Variants in SLC8B1 observed in about 807,000 individuals in gnomAD.
SLC8B1 encodes the protein solute carrier family 8 member B1.
In SLC8B1, 52 loss-of-function variants were observed where a neutral mutation model predicts 63.4. That is an observed-to-expected ratio of 0.82 (90% CI 0.66 to 1.03). SLC8B1 has a LOEUF of 1.03. SLC8B1 is among the 50% of genes least tolerant of loss of function. SLC8B1 has a pLI of 0.00. For synonymous variants in SLC8B1, 336 were observed against 323.9 expected, an observed-to-expected ratio of 1.04 and a Z score of -0.40; for missense variants, 657 against 741.7, an observed-to-expected ratio of 0.89 and a Z score of 1.33.
rs1244640022 is a variant in SLC8B1 at position 113,310,282 on chromosome 12, T to C, written c.1209A>G (p.Ser403=). Residue 403 remains serine (S), a synonymous_variant, in exon 12 of 16, where the codon TCA becomes TCG. Transcript: ENST00000680972. The stretch of plus-strand genomic sequence containing the variant: ...TGTCAGATGTGGCAAAAAAGGTCAC[T>C]GAAGCCAAGGCTGTGCCTGCGATCA... The part of the protein sequence containing the change: ...VVVIAGTALA[S]VTFFATSDSQ... 11 of 1,613,936 alleles carry C rather than the reference T, an allele frequency of 6.8e-6. No individual in the cohort carries two copies. In the East Asian group the frequency reaches 2.5e-4, roughly 36 times the overall value.
chr12:113,318,245 TTGTG>T (rs752782866), intron 8 of SLC8B1, among the ~76,000 whole-genome samples: 6 of 151,768 alleles, frequency 4.0e-5, no homozygotes, highest in East Asian at 3.9e-4. Context: ...TGTGTGTGTG[TTGTG>T]TATTTGTGTT....
chr12:113,322,912 T>C (rs1206420971), intron 2 of SLC8B1, among the ~76,000 whole-genome samples: 2 of 152,122 alleles, frequency 1.3e-5, no homozygotes, highest in Non-Finnish European at 2.9e-5. Flanking sequence ...ATTGTACCAC[T>C]GCAGTCCAGC....
At chr12:113,325,830 T>C (rs946228970) in intron 2 of SLC8B1, among the ~76,000 whole-genome samples, 1 of 152,238 alleles carries the variant, frequency 6.6e-6, no homozygotes, top group Admixed American at 6.5e-5. Flanking sequence ...CCCAAAGTGC[T>C]GGGATTACAG....
In SLC8B1 at chr12:113,307,851, A is replaced by C; in HGVS notation, c.1258-7T>G. ...AGCCCAGGAAAGCAAAGAGCTGCGG[A>C]GGGAATGGTTTGCTGTGGGACCAAG... On this transcript the variant is annotated splice_polypyrimidine_tract_variant and splice_region_variant and intron_variant, in intron 12 of 15. Coordinates refer to ENST00000680972, the MANE Select transcript of SLC8B1 (RefSeq NM_001358345.2). The C allele has an allele frequency of 6.2e-7, 1 of 1,610,876 alleles. No individual in the cohort carries two copies. Among genetic ancestry groups the C allele is most frequent in the Non-Finnish European group, 8.5e-7 (1 of 1,179,784 alleles).
At chr12:113,322,791 AC>A (rs1956948367) in intron 2 of SLC8B1, among the ~76,000 whole-genome samples, 1 of 152,056 alleles carries the variant, frequency 6.6e-6, no homozygotes, top group African/African-American at 2.4e-5. Context: ...TACAAAAAAT[AC>A]AAAAAAAACT....
chr12:113,331,386 GAAA>G (rs752575330), intron 2 of SLC8B1, among the ~76,000 whole-genome samples: 91 of 85,800 alleles, frequency 1.1e-3, no homozygotes, highest in Middle Eastern at 0.014. Context: ...GACTGTTCTC[GAAA>G]AAAAAAAAAA....
chr12:113,326,022 G>C (rs1956993139), intron 2 of SLC8B1, among the ~76,000 whole-genome samples: 2 of 152,176 alleles, frequency 1.3e-5, no homozygotes, highest in African/African-American at 4.8e-5. Flanking sequence ...TTTAACATAT[G>C]GGTAAGCCAA....
intron 2 of SLC8B1, among the ~76,000 whole-genome samples, chr12:113,321,888 A>G (rs1296943064): frequency 6.6e-6 from 1 of 152,014 alleles, no homozygotes; most frequent in Non-Finnish European, 1.5e-5. Flanking sequence ...TATCTCAATT[A>G]ATCTGTACAA....
At chr12:113,316,885 C>T in intron 9 of SLC8B1, 57 bp downstream of exon 9, 1 of 1,584,212 alleles carries the variant, frequency 6.3e-7, no homozygotes, top group Non-Finnish European at 8.6e-7. Context: ...CCCATCTTTC[C>T]ACCCCCAGCC....
Position 113,307,714 on chromosome 12 carries a change from AGCAGC to A in SLC8B1, c.1383_1387del (p.Leu462GlyfsTer112). 6.2e-7 allele frequency: 1 copy of A among 1,614,050 alleles called. No individual in the cohort carries two copies. Among genetic ancestry groups the A allele is most frequent in the Non-Finnish European group, 8.5e-7 (1 of 1,179,998 alleles). On this transcript the variant is annotated frameshift_variant, in exon 13 of 16. Coordinates refer to ENST00000680972, the MANE Select transcript of SLC8B1 (RefSeq NM_001358345.2). LOFTEE classifies it high-confidence loss of function. ...ACCTCCAATGCTGTTCCCCCAGGCC[AGCAGC>A]GTGAGCCCCAGCACAGTGTTGCTCA...
At chr12:113,333,318 G>A (rs1274713014) in intron 1 of SLC8B1, among the ~76,000 whole-genome samples, 2 of 152,222 alleles carry the variant, frequency 1.3e-5, no homozygotes, top group Non-Finnish European at 2.9e-5. Context: ...GTGGGCAGTG[G>A]GCGGGATTGC....
At chr12:113,310,094 G>T in intron 12 of SLC8B1, 140 bp downstream of exon 12, 1 of 1,108,796 alleles carries the variant, frequency 9.0e-7, no homozygotes, top group Non-Finnish European at 1.2e-6. Context: ...ACTCTCAAAA[G>T]CAGCTTTAAA....
Position 113,307,894 on chromosome 12 carries a change from C to T in SLC8B1, c.1258-50G>A, listed in dbSNP as rs1052430823. The T allele has an allele frequency of 3.1e-6, 5 of 1,592,670 alleles. No homozygotes were observed. The Admixed American group carries it at 5.1e-5, about 16-fold the overall frequency. ...GGACCAAGGCCAGCCCCAACAGGAACACAGCCTCAGTTCCTCACCTGTGAA... is the reference window on the plus strand; with the variant it reads ...GGACCAAGGCCAGCCCCAACAGGAATACAGCCTCAGTTCCTCACCTGTGAA... On this transcript the variant is annotated intron_variant, in intron 12 of 15. Coordinates refer to ENST00000680972, the MANE Select transcript of SLC8B1 (RefSeq NM_001358345.2).
chr12:113,311,697 ATTTTT>A (rs58060872), intron 11 of SLC8B1, among the ~76,000 whole-genome samples: 4 of 95,364 alleles, frequency 4.2e-5, no homozygotes, highest in African/African-American at 4.0e-5. Context: ...GTCAAGGGGG[ATTTTT>A]TTTTTTTTTT....
Position 113,305,307 on chromosome 12 carries a change from G to A in SLC8B1, c.1493-922C>T, listed in dbSNP as rs1418192735. 6.6e-6 allele frequency among the ~76,000 whole-genome samples: 1 copy of A among 152,274 alleles called. No homozygotes were observed. The highest frequency in any genetic ancestry group is 1.5e-5 in the Non-Finnish European group (1 of 68,048). ...ACCAAGGGCCTTGCTCAGCCTGGGA[G>A]TTAAAAGGGCAGGCATCACTGTCTC... is the stretch of plus-strand genomic sequence containing the variant. On this transcript the variant is annotated intron_variant, in intron 14 of 15. Transcript: ENST00000680972. This position sits in a 1 kb window ranked among gnomAD's most constrained non-coding sequence, Gnocchi z 4.3.
Position 113,316,320 on chromosome 12 carries a change from C to T in SLC8B1, c.993+206G>A, listed in dbSNP as rs150660708. Among the ~76,000 whole-genome samples, 436 of 152,300 alleles carry T rather than the reference C, an allele frequency of 2.9e-3. 1 individual carries two copies. Among genetic ancestry groups the T allele is most frequent in the Middle Eastern group, 0.01 (3 of 294 alleles). On this transcript the variant is annotated intron_variant, in intron 10 of 15. Coordinates refer to ENST00000680972, the MANE Select transcript of SLC8B1 (RefSeq NM_001358345.2). ...GTTCCAGGGGTTAGGATATGGATGT[C>T]TTTAGGGGCCACTAGAGGGCAGAGC...
intron 13 of SLC8B1, 42 bp downstream of exon 13, chr12:113,307,649 G>A: frequency 6.3e-7 from 1 of 1,594,604 alleles, no homozygotes; most frequent in Non-Finnish European, 8.5e-7. Flanking sequence ...CTAAGATGTG[G>A]CCGCACTCAC....
rs1182894725 is a variant in SLC8B1, at chr12:113,299,598, C to T, written c.*179G>A. 4 of 628,376 alleles carry T rather than the reference C, an allele frequency of 6.4e-6. No individual in the cohort carries two copies. The Admixed American group carries it at 1.1e-4, about 17-fold the overall frequency. The allele number at this position is 628,376 out of a possible 1,614,324, so 38.9% of individuals were successfully genotyped here. ...CCACGGCAAGGCTGTTGGGTGCTGG[C>T]AGCAAGAGGTACACAGCAGTTCTCC... On this transcript the variant is annotated 3_prime_UTR_variant, in exon 16 of 16. Transcript: ENST00000680972.
At chr12:113,309,462 A>G (rs559755472) in intron 12 of SLC8B1, among the ~76,000 whole-genome samples, 17 of 152,370 alleles carry the variant, frequency 1.1e-4, no homozygotes, top group African/African-American at 4.1e-4. Context: ...GAGTGTCTTT[A>G]GAAACCCAAG....
Sources: allele counts gnomAD v4.1 joint callset (sites outside exome capture counted in the v4.1 genomes callset), GRCh38; gene constraint gnomAD v4.1.1; non-coding constraint Gnocchi (gnomAD v3.1); transcripts MANE v1.5; gene names NCBI Gene and HGNC (gene_info 2026-07-23, HGNC 2026-07-21).